USP6NL: variants seen among roughly 807,000 people sequenced by gnomAD.
USP6NL encodes USP6 N-terminal like.
Under a neutral mutation model 61.9 loss-of-function variants are expected in USP6NL, and 26 were observed. The observed-to-expected ratio is 0.42, with a 90% CI of 0.31 to 0.58. The LOEUF is 0.58. Among genes scored for constraint, USP6NL ranks in the 20% least tolerant of loss-of-function variants. The probability of loss-of-function intolerance (pLI) is 0.16; values close to 1 mark genes in which losing one functional copy is unlikely to be tolerated. For synonymous variants in USP6NL, 432 were observed against 390.1 expected, an observed-to-expected ratio of 1.11 and a Z score of -1.27; for missense variants, 1,114 against 1,034.3, an observed-to-expected ratio of 1.08 and a Z score of -1.06.
chr10:11,507,712 CTTTA>C (rs1376914247), intron 6 of USP6NL, among the ~76,000 whole-genome samples: 1 of 152,060 alleles, frequency 6.6e-6, no homozygotes, highest in East Asian at 1.9e-4. Context: ...GTTTTCCCAA[CTTTA>C]TTTAACCAGA....
chr10:11,543,671 T>C (rs1483116801), intron 2 of USP6NL, among the ~76,000 whole-genome samples: 3 of 152,042 alleles, frequency 2.0e-5, no homozygotes, highest in African/African-American at 7.2e-5. Flanking sequence ...CAGAGAAACT[T>C]GCACAATCAC....
Position 11,562,721 on chromosome 10 carries a change from T to C in USP6NL, c.4+34910A>G. On this transcript the variant is annotated intron_variant, in intron 2 of 14. Coordinates refer to ENST00000609104, the MANE Select transcript of USP6NL (RefSeq NM_014688.5). This position sits in a 1 kb window ranked among gnomAD's most constrained non-coding sequence, Gnocchi z 4.8. ...TCTATTTTATCTGCCAAATTTTCACTTGTTTCTTGATCTAAAAACGTGGAA... is the reference window on the plus strand; with the variant it reads ...TCTATTTTATCTGCCAAATTTTCACCTGTTTCTTGATCTAAAAACGTGGAA... 1.0e-6 allele frequency: 1 copy of C among 985,472 alleles called. No individual in the cohort carries two copies. Among genetic ancestry groups the C allele is most frequent in the African/African-American group, 1.7e-5 (1 of 57,366 alleles). The allele number at this position is 985,472 out of a possible 1,614,324, so 61.0% of individuals were successfully genotyped here.
At chr10:11,550,689 G>A (rs534199388) in intron 2 of USP6NL, among the ~76,000 whole-genome samples, 6 of 151,992 alleles carry the variant, frequency 3.9e-5, no homozygotes, top group Admixed American at 6.6e-5. Context: ...CCTGGGAGGC[G>A]GAGGCTGCAG....
At chr10:11,579,819 G>T (rs368015748) in intron 2 of USP6NL, among the ~76,000 whole-genome samples, 7 of 151,146 alleles carry the variant, frequency 4.6e-5, no homozygotes, top group East Asian at 4.0e-4. Context: ...GATAGTAAAT[G>T]TTTTCTATTT....
intron 5 of USP6NL, among the ~76,000 whole-genome samples, chr10:11,514,539 G>C (rs1344779479): frequency 6.6e-6 from 1 of 152,050 alleles, no homozygotes; most frequent in African/African-American, 2.4e-5. Flanking sequence ...AGGTGGCTTA[G>C]ACTACTTCCC....
chr10:11,527,942 G>C (rs889037196), intron 2 of USP6NL, among the ~76,000 whole-genome samples: 3 of 152,054 alleles, frequency 2.0e-5, no homozygotes, highest in Non-Finnish European at 4.4e-5. Flanking sequence ...CTTTTAAAAA[G>C]TAAAGGAACT....
rs2096213928 is a variant in USP6NL, at chr10:11,461,471, C to CA, written c.*969_*970insT. The CA allele has an allele frequency of 1.3e-5, 2 of 152,180 alleles. No homozygotes were observed. Among genetic ancestry groups the CA allele is most frequent in the Non-Finnish European group, 2.9e-5 (2 of 68,060 alleles). 9.4% of individuals were successfully genotyped at this position (152,180 alleles called of 1,614,324 possible). On this transcript the variant is annotated 3_prime_UTR_variant, in exon 15 of 15. Transcript: ENST00000609104. ...GTATAAATGGCCACCCTGGGACCTT[C>CA]GTGGGGAGAAGCCATGTGAGTCGAG...
chr10:11,499,524 G>A lies in USP6NL; in HGVS notation c.384+1577C>T, dbSNP rs571723128. ...CTCATCTGGAAATGGGGCCTCTGCC[G>A]GGGTAATCAAGTTAGGATGAGGTCA... On this transcript the variant is annotated intron_variant, in intron 7 of 14. Transcript: ENST00000609104. This position sits in a 1 kb window ranked among gnomAD's most constrained non-coding sequence, Gnocchi z 4.5. Among the ~76,000 whole-genome samples the A allele has an allele frequency of 5.9e-5, 9 of 152,268 alleles. No individual in the cohort carries two copies. Among genetic ancestry groups the A allele is most frequent in the South Asian group, 4.1e-4 (2 of 4,820 alleles).
intron 2 of USP6NL, among the ~76,000 whole-genome samples, chr10:11,550,502 T>A (rs1196447922): frequency 1.3e-5 from 2 of 152,140 alleles, no homozygotes; most frequent in Non-Finnish European, 2.9e-5. Flanking sequence ...ACACCTGTAA[T>A]CCCAGCACTT....
rs1374196444 is a variant in USP6NL at position 11,481,515 on chromosome 10, G to A, written c.1078+255C>T. ...CTACTTCTGTTGAACAACAGTATTT[G>A]CCAACCAAACTTCTAAATGTAAGCA... On this transcript the variant is annotated intron_variant, in intron 14 of 14. Transcript: ENST00000609104. This position sits in a 1 kb window ranked among gnomAD's most constrained non-coding sequence, Gnocchi z 4.4. Among the ~76,000 whole-genome samples the A allele has an allele frequency of 6.6e-6, 1 of 152,178 alleles. No individual in the cohort carries two copies.
rs937516684 is a variant in USP6NL at position 11,562,678 on chromosome 10, T to C, written c.4+34953A>G. 1 of 985,476 alleles carries C rather than the reference T, an allele frequency of 1.0e-6. No homozygotes were observed. Among genetic ancestry groups the C allele is most frequent in the Non-Finnish European group, 1.2e-6 (1 of 829,948 alleles). 61.0% of individuals were successfully genotyped at this position (985,476 alleles called of 1,614,324 possible). ...TCAACATTCATATGTTGTTAGCCAC[T>C]TGTATTTCTGTAACTTGTCTATTTT... On this transcript the variant is annotated intron_variant, in intron 2 of 14. Transcript: ENST00000609104. The surrounding 1 kb of genome is among the most constrained non-coding windows in gnomAD (Gnocchi z 4.8).
In USP6NL at chr10:11,598,950, C is replaced by A. The variant is rs1216398482; in HGVS notation, c.-83-1233G>T. Among the ~76,000 whole-genome samples, 2 of 152,246 alleles carry A rather than the reference C, an allele frequency of 1.3e-5. No homozygotes were observed. The highest frequency in any genetic ancestry group is 4.8e-5 in the African/African-American group (2 of 41,468). ...GCCACGTAATACCCTGACCCCCAACCCACATGCTTTCCTCTTTATCTGTCC... is the reference window on the plus strand; with the variant it reads ...GCCACGTAATACCCTGACCCCCAACACACATGCTTTCCTCTTTATCTGTCC... On this transcript the variant is annotated intron_variant, in intron 1 of 14. Coordinates refer to ENST00000609104, the MANE Select transcript of USP6NL (RefSeq NM_014688.5). The surrounding 1 kb of genome is among the most constrained non-coding windows in gnomAD (Gnocchi z 4.7).
chr10:11,508,708 T>C (rs1419970012), intron 6 of USP6NL, among the ~76,000 whole-genome samples: 1 of 152,230 alleles, frequency 6.6e-6, no homozygotes, highest in African/African-American at 2.4e-5. Context: ...GGGAAGTGCA[T>C]ACGGAGCTCT....
chr10:11,514,319 G>GGGGCGCATATCATGTTCCTTAACA (rs1266109166), intron 5 of USP6NL, among the ~76,000 whole-genome samples: 1 of 151,698 alleles, frequency 6.6e-6, no homozygotes, highest in African/African-American at 2.4e-5. Context: ...AATCAATTAT[G>GGGGCGCATATCATGTTCCTTAACA]ACTGTGATGG....
intron 13 of USP6NL, among the ~76,000 whole-genome samples, chr10:11,484,295 T>C (rs1372687298): frequency 1.3e-5 from 2 of 152,052 alleles, no homozygotes; most frequent in Non-Finnish European, 2.9e-5. Flanking sequence ...ACAAGGTTCT[T>C]CATGAAAAAA....
At chr10:11,543,076 C>T (rs116766583) in intron 2 of USP6NL, among the ~76,000 whole-genome samples, 2,981 of 152,212 alleles carry the variant, frequency 0.02, 61 homozygotes, top group African/African-American at 0.052. Flanking sequence ...ATACTACTAA[C>T]GTATCATTAT....
chr10:11,555,433 A>T (rs867115971), intron 2 of USP6NL, among the ~76,000 whole-genome samples: 8,251 of 48,530 alleles, frequency 0.17, 859 homozygotes, highest in Non-Finnish European at 0.22. Flanking sequence ...AAAAAAAAAA[A>T]ATATATATAT....
intron 2 of USP6NL, among the ~76,000 whole-genome samples, chr10:11,571,606 T>C (rs1837364227): frequency 6.6e-6 from 1 of 152,166 alleles, no homozygotes; most frequent in South Asian, 2.1e-4. Flanking sequence ...CTACATTCTC[T>C]CTACATCCAT....
chr10:11,579,529 A>G (rs567800351), intron 2 of USP6NL, among the ~76,000 whole-genome samples: 1 of 152,278 alleles, frequency 6.6e-6, no homozygotes, highest in South Asian at 2.1e-4. Context: ...TGTATATTCC[A>G]TGCACCCTGC....
Sources: allele counts gnomAD v4.1 joint callset (sites outside exome capture counted in the v4.1 genomes callset), GRCh38; gene constraint gnomAD v4.1.1; non-coding constraint Gnocchi (gnomAD v3.1); transcripts MANE v1.5; gene names NCBI Gene and HGNC (gene_info 2026-07-23, HGNC 2026-07-21).